Variants in GBE1 observed in about 807,000 individuals in gnomAD.
The protein encoded by GBE1 is 1,4-alpha-glucan-branching enzyme.
Under a neutral mutation model 88.8 loss-of-function variants are expected in GBE1, and 70 were observed. That is an observed-to-expected ratio of 0.79 (90% confidence interval 0.65 to 0.96). The LOEUF is 0.96. GBE1 is among the 40% of genes least tolerant of loss of function. The pLI is 0.00. For missense variants in GBE1, 872 were observed against 871.0 expected (o/e 1.00, Z -0.01); for synonymous variants, 284 against 300.1 (o/e 0.95, Z 0.56).
chr3:81,742,765 C>T (rs1256066830), intron 1 of GBE1, among the ~76,000 whole-genome samples: 1 of 152,104 alleles, frequency 6.6e-6, no homozygotes, highest in Non-Finnish European at 1.5e-5. Flanking sequence ...TGAAAAATTA[C>T]ACTAACTGCA....
chr3:81,614,619 G>A (rs1704225619), intron 7 of GBE1, among the ~76,000 whole-genome samples: 1 of 152,114 alleles, frequency 6.6e-6, no homozygotes, highest in Non-Finnish European at 1.5e-5. Flanking sequence ...CAGCACTTTG[G>A]GAGGCTGAGG....
intron 7 of GBE1, among the ~76,000 whole-genome samples, chr3:81,607,255 A>G (rs1195863438): frequency 6.6e-6 from 1 of 152,214 alleles, no homozygotes; most frequent in African/African-American, 2.4e-5. Flanking sequence ...TTTATTTAAA[A>G]AATAAATATG....
chr3:81,565,367 G>A (rs766487664), intron 12 of GBE1, among the ~76,000 whole-genome samples: 1 of 152,140 alleles, frequency 6.6e-6, no homozygotes, highest in Non-Finnish European at 1.5e-5. Context: ...GCGCTTAGCA[G>A]GAAGACATTT....
intron 9 of GBE1, among the ~76,000 whole-genome samples, chr3:81,587,108 G>A (rs1357023621): frequency 1.3e-5 from 2 of 152,078 alleles, no homozygotes; most frequent in African/African-American, 4.8e-5. Context: ...AGTCGAGAGA[G>A]AGGATTCTTA....
At chr3:81,736,879 G>A (rs1358961559) in intron 1 of GBE1, among the ~76,000 whole-genome samples, 1 of 152,076 alleles carries the variant, frequency 6.6e-6, no homozygotes, top group African/African-American at 2.4e-5. Context: ...ATTAAAACAT[G>A]AAGCCAATAA....
At chr3:81,511,541 T>G (rs1702725504) in intron 14 of GBE1, among the ~76,000 whole-genome samples, 1 of 151,934 alleles carries the variant, frequency 6.6e-6, no homozygotes, top group Non-Finnish European at 1.5e-5. Flanking sequence ...CAGACACTTC[T>G]TACAAGAAGA....
At position 81,535,177 on chromosome 3, in the gene GBE1, T is replaced by C; in HGVS notation, c.1934+18A>G. The C allele has an allele frequency of 6.2e-7, 1 of 1,603,952 alleles. No individual in the cohort carries two copies. The highest frequency in any genetic ancestry group is 8.5e-7 in the Non-Finnish European group (1 of 1,175,264). The stretch of plus-strand genomic sequence containing the variant: ...AGTGAATGTGGACAGTCATATTCAC[T>C]GGTAACAAAAAGGATATTTCCCTGG... On this transcript the variant is annotated intron_variant, in intron 14 of 15. Coordinates refer to ENST00000429644, the MANE Select transcript of GBE1 (RefSeq NM_000158.4).
intron 14 of GBE1, among the ~76,000 whole-genome samples, chr3:81,519,121 A>G (rs1381088232): frequency 6.6e-6 from 1 of 151,628 alleles, no homozygotes; most frequent in South Asian, 2.1e-4. Context: ...AGCCTTCTGT[A>G]AACCAAGCAA....
intron 12 of GBE1, among the ~76,000 whole-genome samples, chr3:81,549,628 A>G (rs1703247744): frequency 6.6e-6 from 1 of 151,470 alleles, no homozygotes; most frequent in Admixed American, 6.6e-5. Flanking sequence ...GAGTAGAGGA[A>G]TTTATCCAAC....
intron 1 of GBE1, among the ~76,000 whole-genome samples, chr3:81,713,891 TA>T (rs1159463189): frequency 6.6e-6 from 1 of 152,136 alleles, no homozygotes; most frequent in Non-Finnish European, 1.5e-5. Context: ...ATACAAGCAT[TA>T]CTGAGAGTCT....
chr3:81,609,571 TTTTG>T (rs1704145567), intron 7 of GBE1, among the ~76,000 whole-genome samples: 1 of 152,136 alleles, frequency 6.6e-6, no homozygotes, highest in African/African-American at 2.4e-5. Context: ...TTTTTTTGGT[TTTTG>T]TTTGTTTTTG....
In GBE1 at chr3:81,622,783, G is replaced by A. The variant is rs187277031; in HGVS notation, c.992+19998C>T. ...GCCTTTTTACCTCTTGGTCAAAAAC[G>A]TCGGAGTTAACTTCTTTCTTCCCCT... On this transcript the variant is annotated intron_variant, in intron 7 of 15. Coordinates refer to ENST00000429644, the MANE Select transcript of GBE1 (RefSeq NM_000158.4). Among the ~76,000 whole-genome samples, 435 of 152,234 alleles carry A rather than the reference G, an allele frequency of 2.9e-3. 3 individuals are homozygous for A. Among genetic ancestry groups the A allele is most frequent in the Admixed American group, 3.8e-3 (58 of 15,290 alleles).
chr3:81,655,269 C>G (rs1043557974), intron 3 of GBE1, among the ~76,000 whole-genome samples: 1 of 152,032 alleles, frequency 6.6e-6, no homozygotes, highest in Non-Finnish European at 1.5e-5. Context: ...TTATCTTGAA[C>G]AACTGACCTC....
chr3:81,604,444 G>T (rs936638259), intron 7 of GBE1, among the ~76,000 whole-genome samples: 2 of 151,494 alleles, frequency 1.3e-5, no homozygotes, highest in Non-Finnish European at 2.9e-5. Flanking sequence ...GCACCACGAC[G>T]CCAGGCTAAT....
At chr3:81,694,686 C>G (rs2107149543) in intron 2 of GBE1, among the ~76,000 whole-genome samples, 1 of 152,280 alleles carries the variant, frequency 6.6e-6, no homozygotes, top group South Asian at 2.1e-4. Context: ...TTGGTAAGAG[C>G]ATCAATAACC....
At chr3:81,690,869 G>T (rs1363238843) in intron 2 of GBE1, among the ~76,000 whole-genome samples, 1 of 151,678 alleles carries the variant, frequency 6.6e-6, no homozygotes, top group African/African-American at 2.4e-5. Context: ...TCCTACGCTA[G>T]ACATTACTAT....
At chr3:81,612,535 T>C (rs919832578) in intron 7 of GBE1, 6 of 866,550 alleles carry the variant, frequency 6.9e-6, no homozygotes, top group Non-Finnish European at 1.1e-5. Context: ...CCCCAAGCAG[T>C]GCGAACACTG....
chr3:81,731,242 C>A (rs116331371), intron 1 of GBE1, among the ~76,000 whole-genome samples: 1 of 152,084 alleles, frequency 6.6e-6, no homozygotes, highest in Admixed American at 6.6e-5. Flanking sequence ...GAGTAGATCA[C>A]GACACTTATT....
intron 12 of GBE1, among the ~76,000 whole-genome samples, chr3:81,567,988 C>A (rs1284233044): frequency 6.6e-6 from 1 of 152,200 alleles, no homozygotes; most frequent in Non-Finnish European, 1.5e-5. Context: ...TACTAAGTTA[C>A]AGTGACACTA....
Sources: allele counts gnomAD v4.1 joint callset (sites outside exome capture counted in the v4.1 genomes callset), GRCh38; gene constraint gnomAD v4.1.1; transcripts MANE v1.5; gene names NCBI Gene and HGNC (gene_info 2026-07-23, HGNC 2026-07-21).